Variants in GPC6 observed in about 807,000 individuals in gnomAD.
GPC6 encodes the protein glypican-6.
Under a neutral mutation model 55.2 loss-of-function variants are expected in GPC6, and 14 were observed. The ratio of observed to expected loss-of-function variants is 0.25; its 90% CI spans 0.17 to 0.40. The LOEUF is 0.40. Ranked by LOEUF, GPC6 falls within the 10% of genes least tolerant of loss-of-function variation. The probability of loss-of-function intolerance (pLI) is 1.00; values close to 1 mark genes in which losing one functional copy is unlikely to be tolerated. For synonymous variants in GPC6, 278 were observed against 259.6 expected, an observed-to-expected ratio of 1.07 and a Z score of -0.68; for missense variants, 641 against 708.5, an observed-to-expected ratio of 0.90 and a Z score of 1.08.
intron 1 of GPC6, among the ~76,000 whole-genome samples, chr13:93,504,030 T>C (rs1318242661): frequency 6.6e-6 from 1 of 152,130 alleles, no homozygotes; most frequent in East Asian, 1.9e-4. Context: ...TTTGATTAAA[T>C]GCTTAAGGAA....
intron 2 of GPC6, among the ~76,000 whole-genome samples, chr13:93,661,597 G>A (rs1880922901): frequency 6.6e-6 from 1 of 152,138 alleles, no homozygotes; most frequent in African/African-American, 2.4e-5. Context: ...CAAGACCTTG[G>A]TATTGCTACA....
intron 3 of GPC6, among the ~76,000 whole-genome samples, chr13:93,882,423 G>A (rs1351073954): frequency 2.0e-5 from 3 of 152,068 alleles, no homozygotes; most frequent in Non-Finnish European, 4.4e-5. Flanking sequence ...GGGATTAAAG[G>A]AGTGAGCCAC....
intron 1 of GPC6, among the ~76,000 whole-genome samples, chr13:93,239,892 A>G (rs986869416): frequency 6.6e-6 from 1 of 152,020 alleles, no homozygotes; most frequent in African/African-American, 2.4e-5. Flanking sequence ...ATTGACCTAA[A>G]AGTCCTTCAG....
intron 4 of GPC6, among the ~76,000 whole-genome samples, chr13:94,058,914 T>G (rs553816095): frequency 6.6e-6 from 1 of 152,362 alleles, no homozygotes; most frequent in African/African-American, 2.4e-5. Flanking sequence ...CAACAATTTC[T>G]TCATCATTCT....
At chr13:93,589,303 T>C (rs1877355335) in intron 2 of GPC6, among the ~76,000 whole-genome samples, 2 of 152,130 alleles carry the variant, frequency 1.3e-5, no homozygotes, top group Non-Finnish European at 2.9e-5. Context: ...ACAAAAACAT[T>C]GAAAGAATTT....
chr13:94,211,200 A>G (rs756413412), intron 4 of GPC6, among the ~76,000 whole-genome samples: 11 of 152,310 alleles, frequency 7.2e-5, no homozygotes, highest in Non-Finnish European at 1.5e-4. Context: ...CAGCCTAGAA[A>G]TATTAGTAAT....
intron 1 of GPC6, among the ~76,000 whole-genome samples, chr13:93,397,937 A>G (rs1875923551): frequency 6.6e-6 from 1 of 152,178 alleles, no homozygotes; most frequent in Non-Finnish European, 1.5e-5. Context: ...GATGCTGCTA[A>G]GGTATCTGAA....
At chr13:94,342,651 C>A (rs1158737147) in intron 6 of GPC6, among the ~76,000 whole-genome samples, 1 of 152,210 alleles carries the variant, frequency 6.6e-6, no homozygotes, top group Admixed American at 6.5e-5. Flanking sequence ...CCCCGGGAAA[C>A]TACACGTGCG....
At chr13:94,357,092 C>T (rs961725774) in intron 6 of GPC6, among the ~76,000 whole-genome samples, 6 of 152,126 alleles carry the variant, frequency 3.9e-5, no homozygotes, top group Admixed American at 1.3e-4. Flanking sequence ...CTGGACCCCA[C>T]CTGGGCTGTT....
intron 4 of GPC6, among the ~76,000 whole-genome samples, chr13:94,148,239 C>T (rs1887626950): frequency 6.6e-6 from 1 of 152,084 alleles, no homozygotes; most frequent in Non-Finnish European, 1.5e-5. Context: ...CTTCTAATAG[C>T]AGTTATTTTT....
chr13:94,173,442 A>G (rs951762769), intron 4 of GPC6, among the ~76,000 whole-genome samples: 3 of 152,128 alleles, frequency 2.0e-5, no homozygotes, highest in Admixed American at 1.3e-4. Flanking sequence ...AGATGATTCA[A>G]GTATCAGTTG....
chr13:94,306,384 A>G (rs1875950218), intron 6 of GPC6: 1 of 501,132 alleles, frequency 2.0e-6, no homozygotes, highest in African/African-American at 1.9e-5. Context: ...CTTATTTCTC[A>G]TGAAATATTA....
intron 1 of GPC6, among the ~76,000 whole-genome samples, chr13:93,426,227 T>A (rs12864706): frequency 8.5e-6 from 1 of 117,620 alleles, no homozygotes; most frequent in Non-Finnish European, 1.9e-5. Context: ...AAAGTGTTTT[T>A]ATTTTATTTT....
At chr13:93,983,874 C>T (rs1208110073) in intron 3 of GPC6, among the ~76,000 whole-genome samples, 1 of 151,206 alleles carries the variant, frequency 6.6e-6, no homozygotes, top group Non-Finnish European at 1.5e-5. Context: ...CTGATTCTTG[C>T]CTCATATGAA....
rs141809364 is a variant in GPC6, at chr13:93,624,474, G to A, written c.319+79053G>A. ...CTTAAACTTGGTTTCACACTAAAAT[G>A]ACTAAGAGCTATTTCATTGTGAATG... On this transcript the variant is annotated intron_variant, in intron 2 of 8. Transcript: ENST00000377047. Among the ~76,000 whole-genome samples, 538 of 152,288 alleles carry A rather than the reference G, an allele frequency of 3.5e-3. 3 individuals are homozygous for A. The highest frequency in any genetic ancestry group is 6.3e-3 in the Non-Finnish European group (431 of 68,022).
intron 2 of GPC6, among the ~76,000 whole-genome samples, chr13:93,725,491 A>G (rs944174979): frequency 1.3e-5 from 2 of 152,070 alleles, no homozygotes; most frequent in Non-Finnish European, 2.9e-5. Flanking sequence ...AAATCTAGTT[A>G]TTTAGATTAT....
chr13:93,354,349 A>ATTTTTTTT (rs11454186), intron 1 of GPC6, among the ~76,000 whole-genome samples: 2,906 of 115,552 alleles, frequency 0.025, 132 homozygotes, highest in East Asian at 0.063. Flanking sequence ...CCGTTGGTAG[A>ATTTTTTTT]TTTTTTTTTT....
intron 6 of GPC6, among the ~76,000 whole-genome samples, chr13:94,352,375 G>A (rs2139169947): frequency 6.6e-6 from 1 of 151,358 alleles, no homozygotes; most frequent in East Asian, 1.9e-4. Context: ...TCTCCAGCCT[G>A]CCCATTGCTG....
chr13:93,784,158 G>A (rs1885748511), intron 2 of GPC6, among the ~76,000 whole-genome samples: 2 of 152,060 alleles, frequency 1.3e-5, no homozygotes, highest in African/African-American at 4.8e-5. Flanking sequence ...TCAGAGGCAG[G>A]GTGGGGGTAT....
Sources: gnomAD v4.1 joint callset for allele counts (sites outside exome capture counted in the v4.1 genomes callset) on GRCh38, gnomAD v4.1.1 for gene constraint, MANE v1.5 for transcripts, NCBI Gene and HGNC (gene_info 2026-07-23, HGNC 2026-07-21) for gene names.